TENM3: variants seen among roughly 807,000 people sequenced by gnomAD.
The protein encoded by TENM3 is teneurin-3.
TENM3 carries 63 observed loss-of-function variants against 255.1 expected under a neutral mutation model. That is an observed-to-expected ratio of 0.25 (90% CI 0.20 to 0.30). The LOEUF (loss-of-function observed/expected upper bound fraction) is 0.30. Among genes scored for constraint, TENM3 ranks in the 10% least tolerant of loss-of-function variants. The pLI, the probability that TENM3 is intolerant of heterozygous loss-of-function variation, is 1.00. For missense variants in TENM3, 2,929 were observed against 3,461.1 expected (o/e 0.85, Z 3.86); for synonymous variants, 1,306 against 1,322.3 (o/e 0.99, Z 0.27).
At chr4:181,738,341 C>T in the TENM3 span, among the ~76,000 whole-genome samples, 31 of 152,256 alleles carry the variant, frequency 2.0e-4, no homozygotes, top group African/African-American at 7.5e-4. Flanking sequence ...GTGGAACACA[C>T]GTTCTGTTCT....
At chr4:181,656,486 G>C in the TENM3 span, among the ~76,000 whole-genome samples, 1 of 152,182 alleles carries the variant, frequency 6.6e-6, no homozygotes, top group African/African-American at 2.4e-5. Context: ...AAATAGAATA[G>C]GCAATGGTGT....
intron 1 of TENM3, among the ~76,000 whole-genome samples, chr4:182,323,655 G>A (rs1230534988): frequency 1.3e-5 from 2 of 152,146 alleles, no homozygotes; most frequent in African/African-American, 2.4e-5. Context: ...GCTGGCTTCT[G>A]TAGTGAAATT....
At chr4:181,558,856 A>C in the TENM3 span, among the ~76,000 whole-genome samples, 3 of 152,232 alleles carry the variant, frequency 2.0e-5, no homozygotes, top group African/African-American at 7.2e-5. Flanking sequence ...GTTTATGCAA[A>C]AAGAAATATT....
At chr4:182,777,168 C>T (rs1764743399) in intron 24 of TENM3, among the ~76,000 whole-genome samples, 1 of 151,982 alleles carries the variant, frequency 6.6e-6, no homozygotes. Flanking sequence ...AAGAGCCACC[C>T]ATTTCTCTTC....
rs771059539 is a variant in TENM3, at chr4:182,736,874, G to T, written c.3034G>T (p.Ala1012Ser). The part of the protein sequence containing the change: ...LKLSYLSSRA[A>S]GYKSVLKITM... The stretch of plus-strand genomic sequence containing the variant: ...ACTCTCCTACTTGAGTTCCAGAGCT[G>T]CAGGGTATAAGTCAGTTCTCAAGAT... Residue 1012 changes from alanine to serine, a missense_variant, in exon 17 of 28, where the codon GCA (alanine) becomes TCA (serine). Around this residue, in one of 6 missense-constraint regions of TENM3, gnomAD observed 1,608 missense variants for 1,884.4 expected, o/e 0.85. Coordinates refer to ENST00000511685, the MANE Select transcript of TENM3 (RefSeq NM_001080477.4). The T allele has an allele frequency of 3.7e-6, 6 of 1,613,688 alleles. No homozygotes were observed. Among genetic ancestry groups the T allele is most frequent in the East Asian group, 2.2e-5 (1 of 44,852 alleles).
intron 3 of TENM3, among the ~76,000 whole-genome samples, chr4:182,509,420 C>T (rs62337217): frequency 0.076 from 11,585 of 152,154 alleles, 503 homozygotes; most frequent in East Asian, 0.11. Flanking sequence ...TTTCATTCTT[C>T]ACTCTCTCTT....
intron 3 of TENM3, among the ~76,000 whole-genome samples, chr4:182,584,441 T>C (rs904295205): frequency 2.6e-5 from 4 of 152,212 alleles, no homozygotes; most frequent in Non-Finnish European, 5.9e-5. Flanking sequence ...ATGCAGAGAC[T>C]GCAAAATCAG....
At chr4:182,291,450 G>A (rs541334128) in intron 1 of TENM3, among the ~76,000 whole-genome samples, 4 of 152,228 alleles carry the variant, frequency 2.6e-5, no homozygotes, top group East Asian at 1.9e-4. Flanking sequence ...GAAATAAGGC[G>A]CACACATCAG....
intron 1 of TENM3, among the ~76,000 whole-genome samples, chr4:182,244,185 C>T (rs1017896801): frequency 6.6e-6 from 1 of 151,726 alleles, no homozygotes; most frequent in Non-Finnish European, 1.5e-5. Context: ...GATCTCCTGA[C>T]CTCGTGATCC....
At chr4:181,814,903 C>T in the TENM3 span, among the ~76,000 whole-genome samples, 3 of 151,494 alleles carry the variant, frequency 2.0e-5, no homozygotes, top group Admixed American at 6.6e-5. Flanking sequence ...TCAAATAATA[C>T]GAACCTAAGA....
chr4:181,605,569 AGAGAG>A, the TENM3 span, among the ~76,000 whole-genome samples: 2 of 53,200 alleles, frequency 3.8e-5, no homozygotes, highest in African/African-American at 6.6e-5. Context: ...AAAGAAAGAA[AGAGAG>A]AGAAAGAAAG....
the TENM3 span, among the ~76,000 whole-genome samples, chr4:181,641,697 TA>T: frequency 0.013 from 872 of 64,962 alleles, 19 homozygotes; most frequent in African/African-American, 0.039. Context: ...ATATAATGTA[TA>T]ATATATATAT....
At chr4:181,709,270 G>C in the TENM3 span, among the ~76,000 whole-genome samples, 2 of 152,284 alleles carry the variant, frequency 1.3e-5, no homozygotes, top group East Asian at 1.9e-4. Context: ...GCCTGCTACA[G>C]GTATTGTTTT....
At chr4:181,777,341 C>T in the TENM3 span, among the ~76,000 whole-genome samples, 31 of 152,026 alleles carry the variant, frequency 2.0e-4, no homozygotes, top group Non-Finnish European at 3.2e-4. Flanking sequence ...AGTCAGATAG[C>T]GTGATGCCTC....
chr4:182,675,596 A>G (rs1344694484), intron 7 of TENM3, among the ~76,000 whole-genome samples: 1 of 152,146 alleles, frequency 6.6e-6, no homozygotes, highest in Non-Finnish European at 1.5e-5. Context: ...TATAACTTCA[A>G]TTATAGTAGA....
At chr4:182,548,266 A>T (rs1422252858) in intron 3 of TENM3, among the ~76,000 whole-genome samples, 1 of 152,112 alleles carries the variant, frequency 6.6e-6, no homozygotes, top group Non-Finnish European at 1.5e-5. Context: ...TCAGAATAGA[A>T]AAAGACCGCC....
At chr4:182,008,189 T>A in the TENM3 span, among the ~76,000 whole-genome samples, 25 of 152,222 alleles carry the variant, frequency 1.6e-4, no homozygotes, top group African/African-American at 6.0e-4. Context: ...GAGAATTTGA[T>A]GATTATGTGT....
the TENM3 span, among the ~76,000 whole-genome samples, chr4:181,625,851 A>T: frequency 6.6e-6 from 1 of 151,778 alleles, no homozygotes; most frequent in Non-Finnish European, 1.5e-5. Context: ...TAATAATAAT[A>T]TTGTATATCT....
chr4:182,702,054 TGTGA>T (rs1441202226), intron 12 of TENM3, among the ~76,000 whole-genome samples: 3 of 152,150 alleles, frequency 2.0e-5, no homozygotes, highest in East Asian at 1.9e-4. Flanking sequence ...TGAATATTTG[TGTGA>T]GTATCTACAC....
Sources: allele counts gnomAD v4.1 joint callset (sites outside exome capture counted in the v4.1 genomes callset), GRCh38; gene constraint gnomAD v4.1.1; regional missense constraint gnomAD v4.1.1; transcripts MANE v1.5; gene names NCBI Gene and HGNC (gene_info 2026-07-23, HGNC 2026-07-21).